Variants in PKP4 observed in about 807,000 individuals in gnomAD.
PKP4 encodes the protein plakophilin 4, also known as plakophilin-4.
A neutral mutation model predicts 145.1 loss-of-function variants in PKP4; 90 were observed. That is an observed-to-expected ratio of 0.62 (90% CI 0.52 to 0.74). The LOEUF (loss-of-function observed/expected upper bound fraction) is 0.74. PKP4 is among the 30% of genes least tolerant of loss of function. The probability of loss-of-function intolerance (pLI) is 0.00; values close to 1 mark genes in which losing one functional copy is unlikely to be tolerated. For synonymous variants in PKP4, 563 were observed against 577.2 expected, an observed-to-expected ratio of 0.98 and a Z score of 0.35; for missense variants, 1,340 against 1,482.7, an observed-to-expected ratio of 0.90 and a Z score of 1.58.
chr2:158,482,726 TG>T (rs1693548788), intron 1 of PKP4, among the ~76,000 whole-genome samples: 1 of 151,790 alleles, frequency 6.6e-6, no homozygotes, highest in East Asian at 1.9e-4. Context: ...GTTCCAGCTA[TG>T]CAGGAGGCTG....
chr2:158,476,867 G>T (rs978599502), intron 1 of PKP4, among the ~76,000 whole-genome samples: 1 of 151,946 alleles, frequency 6.6e-6, no homozygotes, highest in Non-Finnish European at 1.5e-5. Flanking sequence ...CTTCCAGGAG[G>T]TTTTTATTTT....
chr2:158,660,403 C>T (rs555966115), intron 12 of PKP4: 3 of 152,796 alleles, frequency 2.0e-5, no homozygotes, highest in African/African-American at 7.2e-5. Context: ...TGGGGCACTC[C>T]TGGAGGTGCC....
At chr2:158,592,247 A>G (rs912570575) in intron 3 of PKP4, among the ~76,000 whole-genome samples, 1 of 152,072 alleles carries the variant, frequency 6.6e-6, no homozygotes, top group South Asian at 2.1e-4. Flanking sequence ...TTAGGGATCC[A>G]TGAGAGTTTT....
chr2:158,680,327 A>G (rs1431900530), intron 21 of PKP4, 102 bp from the exon 22 acceptor site: 1 of 864,732 alleles, frequency 1.2e-6, no homozygotes, highest in Non-Finnish European at 1.8e-6. Context: ...AATATTGAAT[A>G]TTGCTTTAAA....
chr2:158,573,229 T>C (rs556856279), intron 2 of PKP4, among the ~76,000 whole-genome samples: 1 of 152,348 alleles, frequency 6.6e-6, no homozygotes, highest in Non-Finnish European at 1.5e-5. Flanking sequence ...CTCAAAATCA[T>C]GTTGCAGTAA....
chr2:158,636,846 A>G (rs1036928330), intron 9 of PKP4, among the ~76,000 whole-genome samples: 2 of 152,064 alleles, frequency 1.3e-5, no homozygotes, highest in Non-Finnish European at 2.9e-5. Context: ...TTCCTTTTAT[A>G]TATTCCATGT....
chr2:158,497,290 A>G (rs1408068709), intron 1 of PKP4, among the ~76,000 whole-genome samples: 3 of 150,962 alleles, frequency 2.0e-5, no homozygotes, highest in African/African-American at 4.8e-5. Flanking sequence ...CAATACTTTC[A>G]GTGTTACGCA....
intron 2 of PKP4, among the ~76,000 whole-genome samples, chr2:158,576,494 C>T (rs967691115): frequency 5.9e-5 from 9 of 152,116 alleles, no homozygotes; most frequent in East Asian, 1.9e-4. Context: ...GACATGTTTT[C>T]TACTTACTAA....
intron 1 of PKP4, among the ~76,000 whole-genome samples, chr2:158,490,760 C>G (rs1312411998): frequency 6.6e-6 from 1 of 151,430 alleles, no homozygotes; most frequent in Non-Finnish European, 1.5e-5. Context: ...TGTTTATTCT[C>G]CTTGGCTCTG....
intron 1 of PKP4, among the ~76,000 whole-genome samples, chr2:158,520,978 T>C (rs2042322344): frequency 6.6e-6 from 1 of 152,246 alleles, no homozygotes; most frequent in Non-Finnish European, 1.5e-5. Flanking sequence ...TATTTATCCA[T>C]TCTTCTGTTA....
rs545546272 is a variant in PKP4 at position 158,541,779 on chromosome 2, G to A, written c.132+8463G>A. Among the ~76,000 whole-genome samples, 201 of 152,096 alleles carry A rather than the reference G, an allele frequency of 1.3e-3. 9 individuals are homozygous for A. The South Asian group carries it at 0.041, about 31-fold the overall frequency. ...TTTTTCTTATGAAAATTCCTATAAA[G>A]CAACGCGGCATCAGTGAAGTGTTCA... On this transcript the variant is annotated intron_variant, in intron 2 of 21. Coordinates refer to ENST00000389759, the MANE Select transcript of PKP4 (RefSeq NM_003628.6).
rs869120223 is a variant in PKP4 at position 158,530,504 on chromosome 2, CTTTTTTT to C, written c.-5-2658_-5-2652del. Among the ~76,000 whole-genome samples the C allele has an allele frequency of 5.2e-3, 480 of 92,146 alleles. 3 individuals carry two copies. The highest frequency in any genetic ancestry group is 0.018 in the African/African-American group (411 of 23,326). The allele number at this position is 92,146 out of a possible 152,430, so 60.5% of individuals were successfully genotyped here. ...TTTACGATAGAAGTACTCTTTCTTT[CTTTTTTT>C]TTTTTTTTTTTTTTTTTGCTAGTGG... On this transcript the variant is annotated intron_variant, in intron 1 of 21. Transcript: ENST00000389759.
intron 12 of PKP4, 198 bp from the exon 13 acceptor site, chr2:158,661,135 T>C: frequency 2.0e-6 from 1 of 496,302 alleles, no homozygotes; most frequent in Non-Finnish European, 3.7e-6. Context: ...ATGTGCAGGT[T>C]CCCTTCCATG....
intron 1 of PKP4, among the ~76,000 whole-genome samples, chr2:158,460,430 C>A (rs1206186895): frequency 1.3e-5 from 2 of 152,050 alleles, no homozygotes; most frequent in African/African-American, 2.4e-5. Flanking sequence ...ATTTGAAACT[C>A]GCTTTAATTT....
intron 21 of PKP4, among the ~76,000 whole-genome samples, chr2:158,679,843 C>T (rs1048741598): frequency 6.6e-6 from 1 of 152,180 alleles, no homozygotes; most frequent in African/African-American, 2.4e-5. Context: ...ATTGCTTATT[C>T]CTTTAATATT....
At chr2:158,624,393 T>C (rs2052551799) in intron 6 of PKP4, among the ~76,000 whole-genome samples, 1 of 152,226 alleles carries the variant, frequency 6.6e-6, no homozygotes, top group African/African-American at 2.4e-5. Context: ...TGATAAATAT[T>C]CCACTAGCTA....
At chr2:158,678,793 A>G (rs1456057625) in intron 21 of PKP4, 139 bp downstream of exon 21, 4 of 689,444 alleles carry the variant, frequency 5.8e-6, no homozygotes, top group Non-Finnish European at 1.1e-5. Context: ...CTCCTTGGAA[A>G]CTCAACGTGT....
At chr2:158,575,467 C>T (rs531722379) in intron 2 of PKP4, among the ~76,000 whole-genome samples, 1 of 152,296 alleles carries the variant, frequency 6.6e-6, no homozygotes, top group South Asian at 2.1e-4. Flanking sequence ...CAGCCACAAA[C>T]ATGATAAAAA....
At chr2:158,572,510 C>T (rs145373604) in intron 2 of PKP4, among the ~76,000 whole-genome samples, 3 of 152,320 alleles carry the variant, frequency 2.0e-5, no homozygotes, top group African/African-American at 7.2e-5. Context: ...TCATCTTGAA[C>T]ATGCTATTTG....
Sources: allele counts gnomAD v4.1 joint callset (sites outside exome capture counted in the v4.1 genomes callset), GRCh38; gene constraint gnomAD v4.1.1; transcripts MANE v1.5; gene names NCBI Gene and HGNC (gene_info 2026-07-23, HGNC 2026-07-21).